Variants in ARHGAP20 observed in about 807,000 individuals in gnomAD.
ARHGAP20 encodes rho GTPase-activating protein 20.
ARHGAP20 carries 34 observed loss-of-function variants against 73.7 expected under a neutral mutation model. The ratio of observed to expected loss-of-function variants is 0.46; its 90% CI spans 0.35 to 0.61. The LOEUF is 0.61. ARHGAP20 is among the 20% of genes least tolerant of loss of function. The pLI is 0.00. For synonymous variants in ARHGAP20, 523 were observed against 518.2 expected, an observed-to-expected ratio of 1.01 and a Z score of -0.13; for missense variants, 1,314 against 1,420.9, an observed-to-expected ratio of 0.92 and a Z score of 1.21.
chr11:110,638,513 G>A (rs553415659), intron 2 of ARHGAP20, among the ~76,000 whole-genome samples: 2 of 152,044 alleles, frequency 1.3e-5, no homozygotes, highest in Non-Finnish European at 2.9e-5. Context: ...ACCCAAGTTG[G>A]CAGTGAGAAA....
intron 11 of ARHGAP20, among the ~76,000 whole-genome samples, chr11:110,589,152 AT>A (rs928867190): frequency 2.6e-5 from 4 of 152,232 alleles, no homozygotes; most frequent in Non-Finnish European, 5.9e-5. Flanking sequence ...TTTATCATGC[AT>A]AAAAAACCTT....
chr11:110,652,038 C>T (rs550991199), intron 2 of ARHGAP20, among the ~76,000 whole-genome samples: 1 of 152,226 alleles, frequency 6.6e-6, no homozygotes, highest in African/African-American at 2.4e-5. Context: ...AGCTTATCCA[C>T]CACAATCATG....
intron 2 of ARHGAP20, among the ~76,000 whole-genome samples, chr11:110,667,475 C>T (rs1355505749): frequency 1.3e-5 from 2 of 152,150 alleles, no homozygotes; most frequent in Admixed American, 6.5e-5. Flanking sequence ...CCTTTCAAAA[C>T]ATTACTGCTC....
At position 110,659,188 on chromosome 11, in the gene ARHGAP20, T is replaced by G. The variant is rs545101827; in HGVS notation, c.189-28396A>C. On this transcript the variant is annotated intron_variant, in intron 2 of 14. Transcript: ENST00000683387. ...TACAGTCCCACCAACAGTGTAAAAG[T>G]GTTCCTATTTCTCCACATCCTCTCC... 3.4e-3 allele frequency among the ~76,000 whole-genome samples: 486 copies of G among 143,490 alleles called. 6 individuals carry two copies. The highest frequency in any genetic ancestry group is 0.012 in the African/African-American group (464 of 38,294). The allele number at this position is 143,490 out of a possible 152,430, so 94.1% of individuals were successfully genotyped here.
chr11:110,638,280 C>T (rs1302623623), intron 2 of ARHGAP20, among the ~76,000 whole-genome samples: 1 of 151,862 alleles, frequency 6.6e-6, no homozygotes. Context: ...ATTTATGCTT[C>T]GGTCCCATCA....
In ARHGAP20 at chr11:110,580,853, C is replaced by T; in HGVS notation, c.2093G>A (p.Arg698Lys). The T allele has an allele frequency of 6.2e-7, 1 of 1,613,082 alleles. No individual in the cohort carries two copies. The highest frequency in any genetic ancestry group is 8.5e-7 in the Non-Finnish European group (1 of 1,179,154). Reference sequence around the variant, plus strand: ...GGGCTCTGAGCAACGCCGGTGTCGCCTCAGGCTTTTTGCAGCATTTGCTGC... The same window carrying T: ...GGGCTCTGAGCAACGCCGGTGTCGCTTCAGGCTTTTTGCAGCATTTGCTGC... Reference protein sequence around the residue: ...TAAANAAKSLRRHRRCSEPSI... With the variant: ...TAAANAAKSLKRHRRCSEPSI... Residue 698 changes from arginine to lysine, a missense_variant, in exon 15 of 15, where the codon AGG becomes AAG. Physicochemically the swap from Arg to Lys is conservative, Grantham distance 26 (BLOSUM62 2). Transcript: ENST00000683387.
At chr11:110,595,446 C>T (rs993580735) in intron 9 of ARHGAP20, among the ~76,000 whole-genome samples, 4 of 152,182 alleles carry the variant, frequency 2.6e-5, no homozygotes, top group African/African-American at 9.7e-5. Context: ...TCAGCAAAGT[C>T]TCAGGATACA....
At chr11:110,648,176 TATATATATATATGTAA>T (rs1430675217) in intron 2 of ARHGAP20, among the ~76,000 whole-genome samples, 11 of 91,620 alleles carry the variant, frequency 1.2e-4, no homozygotes, top group African/African-American at 3.9e-4. Flanking sequence ...TATGTAAATA[TATATATATATATGTAA>T]ATATATATAT....
At chr11:110,680,008 A>C (rs2135090985) in intron 2 of ARHGAP20, among the ~76,000 whole-genome samples, 1 of 152,312 alleles carries the variant, frequency 6.6e-6, no homozygotes, top group East Asian at 1.9e-4. Context: ...GTTGACCCAT[A>C]GTCAAGTTGA....
chr11:110,606,967 A>G (rs1283149781), intron 8 of ARHGAP20, among the ~76,000 whole-genome samples: 1 of 152,138 alleles, frequency 6.6e-6, no homozygotes, highest in Non-Finnish European at 1.5e-5. Flanking sequence ...AAAAGAAGAA[A>G]AAAATCTTTA....
intron 1 of ARHGAP20, chr11:110,691,071 A>C: frequency 7.5e-7 from 1 of 1,330,008 alleles, no homozygotes; most frequent in Non-Finnish European, 1.0e-6. Flanking sequence ...GGAGAGGAAA[A>C]AACAGTTAAA....
intron 2 of ARHGAP20, among the ~76,000 whole-genome samples, chr11:110,656,003 T>C (rs138043395): frequency 1.7e-4 from 26 of 152,278 alleles, no homozygotes; most frequent in African/African-American, 6.0e-4. Flanking sequence ...AATTTGTTTG[T>C]GTGTTTTGCT....
At chr11:110,598,913 C>T (rs954019369) in intron 9 of ARHGAP20, among the ~76,000 whole-genome samples, 20 of 152,124 alleles carry the variant, frequency 1.3e-4, no homozygotes, top group African/African-American at 4.6e-4. Flanking sequence ...GGTGGAGGTG[C>T]AGCCATCTGA....
intron 1 of ARHGAP20, among the ~76,000 whole-genome samples, chr11:110,704,899 A>G (rs1414079731): frequency 6.6e-6 from 1 of 152,202 alleles, no homozygotes; most frequent in Non-Finnish European, 1.5e-5. Flanking sequence ...CATGAGGGGT[A>G]TGAGTAATAA....
chr11:110,695,549 A>G (rs1035365244), intron 1 of ARHGAP20, among the ~76,000 whole-genome samples: 4 of 151,770 alleles, frequency 2.6e-5, no homozygotes, highest in African/African-American at 7.2e-5. Flanking sequence ...CAAAGAAGAT[A>G]TACGAATTGC....
Position 110,585,547 on chromosome 11 carries a change from T to G in ARHGAP20, c.1415+669A>C, listed in dbSNP as rs562205331. On this transcript the variant is annotated intron_variant, in intron 12 of 14. Coordinates refer to ENST00000683387, the MANE Select transcript of ARHGAP20 (RefSeq NM_001384657.1). ...AGTAAATAATATTGAGATTCTTGAG[T>G]ATTCACAGAACTAGAAATACTGCTT... 1.5e-4 allele frequency among the ~76,000 whole-genome samples: 23 copies of G among 152,302 alleles called. No homozygotes were observed. The South Asian group carries it at 1.9e-3, about 12-fold the overall frequency.
At chr11:110,581,339 AAG>A (rs1355656392) in intron 14 of ARHGAP20, 114 bp from the exon 15 acceptor site, 4 of 1,144,448 alleles carry the variant, frequency 3.5e-6, no homozygotes, top group Admixed American at 2.9e-5. Context: ...ACTCTCAAGA[AAG>A]AGAGAATCTT....
rs1947365474 is a variant in ARHGAP20, at chr11:110,579,168, A to G, written c.*202T>C. The stretch of plus-strand genomic sequence containing the variant: ...ACCTTTAATAAGAAAAAGCCTCCCA[A>G]ACACTTAGGTGACAAAATTTTTAGC... On this transcript the variant is annotated 3_prime_UTR_variant, in exon 15 of 15. Transcript: ENST00000683387. 5 of 1,257,034 alleles carry G rather than the reference A, an allele frequency of 4.0e-6. No individual in the cohort carries two copies. In the South Asian group the frequency reaches 1.4e-4, roughly 35 times the overall value. 77.9% of individuals were successfully genotyped at this position (1,257,034 alleles called of 1,614,324 possible). A position where few individuals can be genotyped will look rare whatever the true frequency, so the allele number is the denominator to read the frequency against.
At chr11:110,700,314 T>A (rs1173759979) in intron 1 of ARHGAP20, among the ~76,000 whole-genome samples, 1 of 152,014 alleles carries the variant, frequency 6.6e-6, no homozygotes, top group African/African-American at 2.4e-5. Flanking sequence ...AGTATTAAAA[T>A]AAGGGCACTG....
Sources: allele counts gnomAD v4.1 joint callset (sites outside exome capture counted in the v4.1 genomes callset), GRCh38; gene constraint gnomAD v4.1.1; transcripts MANE v1.5; gene names NCBI Gene and HGNC (gene_info 2026-07-23, HGNC 2026-07-21).